ZNF679: variants seen among roughly 807,000 people sequenced by gnomAD.
ZNF679 encodes hypothetical protein MGC42415.
ZNF679 carries 10 observed loss-of-function variants against 13.4 expected under a neutral mutation model. The ratio of observed to expected loss-of-function variants is 0.75; its 90% CI spans 0.46 to 1.27. The LOEUF (loss-of-function observed/expected upper bound fraction) is 1.27. ZNF679 is among the 50% of genes most tolerant of loss of function. ZNF679 has a pLI of 0.00. For missense variants in ZNF679, 525 were observed against 477.8 expected, an observed-to-expected ratio of 1.10 and a Z score of -0.92; for synonymous variants, 179 against 162.5, an observed-to-expected ratio of 1.10 and a Z score of -0.77.
intron 1 of ZNF679, among the ~76,000 whole-genome samples, chr7:64,232,625 T>A (rs1335136420): frequency 1.3e-5 from 2 of 152,170 alleles, no homozygotes; most frequent in Non-Finnish European, 2.9e-5. Flanking sequence ...TATGGTTTAG[T>A]CTTTTCTGTA....
chr7:64,266,096 A>AT lies in ZNF679; in HGVS notation c.464dup (p.Phe156IlefsTer5), dbSNP rs1562849051. 6.2e-7 allele frequency: 1 copy of AT among 1,612,854 alleles called. No individual in the cohort carries two copies. The highest frequency in any genetic ancestry group is 1.1e-5 in the South Asian group (1 of 91,006). ...ATGTTTGTCAACTACCCAAAACAAA[A>AT]TATTTCAGACTCATAAATGTGTCAA... On this transcript the variant is annotated frameshift_variant, in exon 5 of 5. Coordinates refer to ENST00000421025, the MANE Select transcript of ZNF679 (RefSeq NM_153363.3). LOFTEE classifies it low-confidence loss of function (END_TRUNC).
intron 2 of ZNF679, among the ~76,000 whole-genome samples, chr7:64,251,409 A>G (rs1489711883): frequency 6.6e-6 from 1 of 152,124 alleles, no homozygotes; most frequent in Non-Finnish European, 1.5e-5. Flanking sequence ...AGCCAAGATC[A>G]TGCCAGTGCA....
At chr7:64,228,823 T>C (rs922089865) in intron 1 of ZNF679, among the ~76,000 whole-genome samples, 171 bp downstream of exon 1, 3 of 152,228 alleles carry the variant, frequency 2.0e-5, no homozygotes, top group African/African-American at 7.2e-5. Context: ...GATGCATGTA[T>C]GTGAGTCAAA....
At position 64,266,215 on chromosome 7, in the gene ZNF679, C is replaced by T; in HGVS notation, c.582C>T (p.Cys194=). The T allele has an allele frequency of 6.3e-7, 1 of 1,579,722 alleles. No homozygotes were observed. Among genetic ancestry groups the T allele is most frequent in the South Asian group, 1.1e-5 (1 of 88,130 alleles). The change falls in exon 5 of 5, where the codon TGC becomes TGT. Residue 194 remains cysteine (C), a synonymous_variant. Coordinates refer to ENST00000421025, the MANE Select transcript of ZNF679 (RefSeq NM_153363.3). The stretch of plus-strand genomic sequence containing the variant: ...GTAAAAAATATGGCAAATCATTTTG[C>T]ATGGTTTCACAACTACATCAACATC... ...FKCKKYGKSF[C]MVSQLHQHQI...
intron 1 of ZNF679, among the ~76,000 whole-genome samples, chr7:64,235,136 C>T (rs1156633082): frequency 1.3e-5 from 2 of 152,092 alleles, no homozygotes; most frequent in African/African-American, 4.8e-5. Context: ...CTGAGCCCGG[C>T]CATATCAACT....
At chr7:64,240,636 A>G (rs1002702590) in intron 1 of ZNF679, among the ~76,000 whole-genome samples, 3 of 152,158 alleles carry the variant, frequency 2.0e-5, no homozygotes, top group African/African-American at 7.2e-5. Flanking sequence ...CTCACACATA[A>G]ATGCAATCCA....
intron 1 of ZNF679, among the ~76,000 whole-genome samples, chr7:64,244,527 C>A (rs902731552): frequency 1.3e-5 from 2 of 152,056 alleles, no homozygotes; most frequent in African/African-American, 4.8e-5. Context: ...GCTTTAACTA[C>A]GGTTATGAAC....
rs1787907253 is a variant in ZNF679, at chr7:64,249,064, G to C, written c.-54G>C. ...TTCTCTTCACTGCTCTGCGTCCTCT[G>C]TTCCTAGAGGCCAAGCCACTGTGGC... On this transcript the variant is annotated 5_prime_UTR_variant, in exon 2 of 5. Transcript: ENST00000421025. 6.2e-7 allele frequency: 1 copy of C among 1,612,816 alleles called. No individual in the cohort carries two copies. The highest frequency in any genetic ancestry group is 8.5e-7 in the Non-Finnish European group (1 of 1,179,256).
At chr7:64,229,240 G>A (rs773321966) in intron 1 of ZNF679, among the ~76,000 whole-genome samples, 11 of 152,122 alleles carry the variant, frequency 7.2e-5, no homozygotes, top group South Asian at 4.1e-4. Flanking sequence ...ACAAAGTTGC[G>A]TACAGTATAA....
At chr7:64,263,364 T>C (rs1788103009) in intron 4 of ZNF679, among the ~76,000 whole-genome samples, 1 of 152,132 alleles carries the variant, frequency 6.6e-6, no homozygotes, top group Admixed American at 6.6e-5. Flanking sequence ...GTGCTGAGAG[T>C]ACACCTGTGA....
chr7:64,247,676 C>A (rs2058317823), intron 1 of ZNF679, among the ~76,000 whole-genome samples: 1 of 152,038 alleles, frequency 6.6e-6, no homozygotes, highest in Non-Finnish European at 1.5e-5. Context: ...GCCTCAGCCT[C>A]CCAAATAGCT....
chr7:64,248,795 G>A (rs115839178), intron 1 of ZNF679, among the ~76,000 whole-genome samples: 1 of 152,250 alleles, frequency 6.6e-6, no homozygotes, highest in African/African-American at 2.4e-5. Flanking sequence ...GGTTGGCCTG[G>A]CTCAGATCAG....
intron 2 of ZNF679, among the ~76,000 whole-genome samples, 198 bp from the exon 3 acceptor site, chr7:64,260,023 A>C (rs1047973698): frequency 6.6e-6 from 1 of 152,210 alleles, no homozygotes; most frequent in Admixed American, 6.5e-5. Flanking sequence ...AAAGTATCAT[A>C]TCTACAGTGG....
At chr7:64,243,720 A>T (rs746839512) in intron 1 of ZNF679, among the ~76,000 whole-genome samples, 15 of 152,152 alleles carry the variant, frequency 9.9e-5, no homozygotes, top group Non-Finnish European at 1.6e-4. Context: ...TCACAATCTA[A>T]ACTGTAGGTG....
At position 64,235,615 on chromosome 7, in the gene ZNF679, C is replaced by A. The variant is rs1054574754; in HGVS notation, c.-91+6963C>A. 2.6e-5 allele frequency among the ~76,000 whole-genome samples: 4 copies of A among 151,916 alleles called. No individual in the cohort carries two copies. In the East Asian group the frequency reaches 7.8e-4, roughly 30 times the overall value. On this transcript the variant is annotated intron_variant, in intron 1 of 4. Coordinates refer to ENST00000421025, the MANE Select transcript of ZNF679 (RefSeq NM_153363.3). ...ACCAGGTTGCCCAAAATGGTGAAACCCTGTCTTTACTAAAACTACAAAAAT... is the reference window on the plus strand; with the variant it reads ...ACCAGGTTGCCCAAAATGGTGAAACACTGTCTTTACTAAAACTACAAAAAT...
intron 3 of ZNF679, among the ~76,000 whole-genome samples, chr7:64,260,583 A>G (rs1197058774): frequency 6.6e-6 from 1 of 152,194 alleles, no homozygotes; most frequent in Non-Finnish European, 1.5e-5. Context: ...CAAAAATGTC[A>G]TGGCATAAAA....
intron 1 of ZNF679, among the ~76,000 whole-genome samples, chr7:64,246,106 C>G (rs183541208): frequency 6.6e-6 from 1 of 152,180 alleles, no homozygotes; most frequent in South Asian, 2.1e-4. Context: ...GCCTCTCACC[C>G]CCTAAATCTT....
In ZNF679 at chr7:64,266,590, T is replaced by G. The variant is rs773494160; in HGVS notation, c.957T>G (p.Thr319=). The change falls in exon 5 of 5, where the codon ACT becomes ACG. Residue 319 remains threonine, a synonymous_variant. Coordinates refer to ENST00000421025, the MANE Select transcript of ZNF679 (RefSeq NM_153363.3). ...SSLTYHKRIH[T]GEKPYTCEEC... ...TCACTTACCACAAGAGAATTCATACTGGAGAGAAACCCTACACATGTGAAG... is the reference window on the plus strand; with the variant it reads ...TCACTTACCACAAGAGAATTCATACGGGAGAGAAACCCTACACATGTGAAG... 6.0e-5 allele frequency: 96 copies of G among 1,604,870 alleles called. No individual in the cohort carries two copies. Among genetic ancestry groups the G allele is most frequent in the Middle Eastern group, 1.6e-4 (1 of 6,076 alleles).
intron 1 of ZNF679, among the ~76,000 whole-genome samples, chr7:64,236,108 T>C (rs1787707661): frequency 6.6e-6 from 1 of 151,800 alleles, no homozygotes; most frequent in Non-Finnish European, 1.5e-5. Flanking sequence ...CTACTAAAAA[T>C]ACAAAAATTA....
Sources: gnomAD v4.1 joint callset for allele counts (sites outside exome capture counted in the v4.1 genomes callset) on GRCh38, gnomAD v4.1.1 for gene constraint, MANE v1.5 for transcripts, NCBI Gene and HGNC (gene_info 2026-07-23, HGNC 2026-07-21) for gene names.